Variants in STARD13 observed in about 807,000 individuals in gnomAD.
The protein encoded by STARD13 is stAR-related lipid transfer protein 13.
A neutral mutation model predicts 106.4 loss-of-function variants in STARD13; 62 were observed. The ratio of observed to expected loss-of-function variants is 0.58; its 90% CI spans 0.48 to 0.72. STARD13 has a LOEUF of 0.72. STARD13 is among the 30% of genes least tolerant of loss of function. STARD13 has a pLI of 0.00. For missense variants in STARD13, 1,387 were observed against 1,424.0 expected, an observed-to-expected ratio of 0.97 and a Z score of 0.42; for synonymous variants, 565 against 553.0, an observed-to-expected ratio of 1.02 and a Z score of -0.31.
chr13:33,160,329 C>G (rs369434748), intron 3 of STARD13, among the ~76,000 whole-genome samples: 5 of 152,200 alleles, frequency 3.3e-5, no homozygotes, highest in South Asian at 2.1e-4. Context: ...ATATAAAACA[C>G]AAACCTATGA....
chr13:33,114,622 C>T (rs1875098882), intron 8 of STARD13, among the ~76,000 whole-genome samples: 1 of 152,168 alleles, frequency 6.6e-6, no homozygotes, highest in Non-Finnish European at 1.5e-5. Context: ...TTTGCTTGAG[C>T]TGCAGAATTG....
At chr13:33,580,077 T>C in the STARD13 span, among the ~76,000 whole-genome samples, 1 of 152,198 alleles carries the variant, frequency 6.6e-6, no homozygotes, top group South Asian at 2.1e-4. Flanking sequence ...CCCAAATGAA[T>C]TGAAAACTTA....
chr13:33,155,195 C>T lies in STARD13; in HGVS notation c.323+10142G>A, dbSNP rs971842775. The stretch of plus-strand genomic sequence containing the variant: ...CTCACCCACCCAACACCTCAGCCCA[C>T]CCTATCTTCCCTCCTGACTCGCTCC... On this transcript the variant is annotated intron_variant, in intron 3 of 13. Transcript: ENST00000336934. Among the ~76,000 whole-genome samples, 16 of 152,152 alleles carry T rather than the reference C, an allele frequency of 1.1e-4. 1 individual carries two copies. The highest frequency in any genetic ancestry group is 2.7e-4 in the African/African-American group (11 of 41,500).
chr13:33,527,283 C>A, the STARD13 span, among the ~76,000 whole-genome samples: 1 of 151,784 alleles, frequency 6.6e-6, no homozygotes, highest in African/African-American at 2.4e-5. Flanking sequence ...TCAAACAATA[C>A]CTCTTCCTTT....
chr13:33,630,333 C>T, the STARD13 span, among the ~76,000 whole-genome samples: 1 of 152,158 alleles, frequency 6.6e-6, no homozygotes, highest in South Asian at 2.1e-4. Flanking sequence ...TTTAATGAGG[C>T]CCCTGAGACC....
chr13:33,503,886 A>T, the STARD13 span, among the ~76,000 whole-genome samples: 79 of 152,250 alleles, frequency 5.2e-4, 3 homozygotes, highest in East Asian at 0.011. Flanking sequence ...GAATCTACAA[A>T]GAACTTAAAC....
intron 1 of STARD13, among the ~76,000 whole-genome samples, chr13:33,291,713 C>T (rs538978473): frequency 7.2e-5 from 11 of 152,206 alleles, no homozygotes; most frequent in African/African-American, 1.9e-4. Context: ...CTATACCCCA[C>T]GTTAAGTGAA....
At chr13:33,377,589 A>AC in the STARD13 span, among the ~76,000 whole-genome samples, 1 of 128,938 alleles carries the variant, frequency 7.8e-6, no homozygotes, top group Non-Finnish European at 1.7e-5. Flanking sequence ...ATTCTCCCCC[A>AC]CCCCCGCTTA....
intron 1 of STARD13, among the ~76,000 whole-genome samples, chr13:33,270,707 C>T (rs1203210485): frequency 6.6e-6 from 1 of 152,134 alleles, no homozygotes; most frequent in African/African-American, 2.4e-5. Flanking sequence ...CATAAGTGTT[C>T]TACTTAAGGC....
chr13:33,402,610 T>TC, the STARD13 span, among the ~76,000 whole-genome samples: 3 of 152,038 alleles, frequency 2.0e-5, no homozygotes, highest in African/African-American at 7.2e-5. Flanking sequence ...GCCTGCCATA[T>TC]CCCCCTATCC....
the STARD13 span, among the ~76,000 whole-genome samples, chr13:33,407,248 C>T: frequency 2.0e-5 from 3 of 152,206 alleles, no homozygotes; most frequent in Non-Finnish European, 4.4e-5. Flanking sequence ...AGGCCTCCTT[C>T]AAGTCTGCTG....
chr13:33,398,346 A>C, the STARD13 span, among the ~76,000 whole-genome samples: 1 of 152,226 alleles, frequency 6.6e-6, no homozygotes, highest in Non-Finnish European at 1.5e-5. Flanking sequence ...GTATCATCTA[A>C]AACTATAAAA....
chr13:33,115,255 G>A (rs988399309), intron 8 of STARD13, among the ~76,000 whole-genome samples: 1 of 152,204 alleles, frequency 6.6e-6, no homozygotes, highest in Non-Finnish European at 1.5e-5. Flanking sequence ...CTGGAGAAAT[G>A]GAGGAGGAAC....
chr13:33,337,707 C>T (rs763922312), intron 1 of STARD13, among the ~76,000 whole-genome samples: 7 of 152,186 alleles, frequency 4.6e-5, no homozygotes, highest in Non-Finnish European at 7.3e-5. Context: ...GTGATTTACA[C>T]ATGGCTGTTG....
At chr13:33,663,860 C>G in the STARD13 span, among the ~76,000 whole-genome samples, 6 of 152,186 alleles carry the variant, frequency 3.9e-5, no homozygotes, top group Non-Finnish European at 7.3e-5. Flanking sequence ...CCAAATGCCT[C>G]TTAATGAGTT....
chr13:33,186,266 C>T (rs1885760742), intron 1 of STARD13, among the ~76,000 whole-genome samples: 1 of 152,100 alleles, frequency 6.6e-6, no homozygotes, highest in Non-Finnish European at 1.5e-5. Flanking sequence ...TAGAAAGAAC[C>T]ACACACTTTC....
the STARD13 span, among the ~76,000 whole-genome samples, chr13:33,663,283 A>G: frequency 6.6e-6 from 1 of 152,280 alleles, no homozygotes; most frequent in South Asian, 2.1e-4. Flanking sequence ...AAATCTTAAA[A>G]CTGTTTTAAA....
the STARD13 span, among the ~76,000 whole-genome samples, chr13:33,465,844 T>C: frequency 3.9e-5 from 6 of 152,318 alleles, no homozygotes; most frequent in African/African-American, 1.2e-4. Context: ...ATACATGCAC[T>C]GGTATATTTC....
At chr13:33,350,099 C>T (rs908085952) in intron 1 of STARD13, among the ~76,000 whole-genome samples, 1 of 152,096 alleles carries the variant, frequency 6.6e-6, no homozygotes, top group Non-Finnish European at 1.5e-5. Flanking sequence ...CCACACCCAC[C>T]GGGAGGCGCG....
Sources: allele counts gnomAD v4.1 joint callset (sites outside exome capture counted in the v4.1 genomes callset), GRCh38; gene constraint gnomAD v4.1.1; transcripts MANE v1.5; gene names NCBI Gene and HGNC (gene_info 2026-07-23, HGNC 2026-07-21).